Variants in RANBP17 observed in about 807,000 individuals in gnomAD.
RANBP17 encodes the protein RAN binding protein 17.
A neutral mutation model predicts 141.2 loss-of-function variants in RANBP17; 158 were observed. That is an observed-to-expected ratio of 1.12 (90% CI 0.98 to 1.28). RANBP17 has a LOEUF of 1.28. RANBP17 is among the 50% of genes most tolerant of loss of function. The pLI, the probability that RANBP17 is intolerant of heterozygous loss-of-function variation, is 0.00. For synonymous variants in RANBP17, 430 were observed against 450.0 expected (o/e 0.96, Z 0.56); for missense variants, 1,438 against 1,290.7 (o/e 1.11, Z -1.75).
At chr5:171,054,787 C>T (rs1561597695) in intron 14 of RANBP17, among the ~76,000 whole-genome samples, 1 of 152,148 alleles carries the variant, frequency 6.6e-6, no homozygotes, top group African/African-American at 2.4e-5. Context: ...TGTTTCCCCC[C>T]TCCCTTTTAC....
chr5:170,892,464 G>C lies in RANBP17; in HGVS notation c.334G>C (p.Ala112Pro), dbSNP rs781080945. The stretch of plus-strand genomic sequence containing the variant: ...CATCCAAGCTCTTATTCAAGTCATT[G>C]CTAAAATCACTAAGTTGGGGTGGTT... ...FVIQALIQVI[A>P]KITKLGWFEV... Residue 112 changes from alanine (A) to proline (P), a missense_variant, in exon 4 of 28, where the codon GCT (alanine) becomes CCT (proline). By Grantham distance (27) the Ala-to-Pro change is conservative. Coordinates refer to ENST00000523189, the MANE Select transcript of RANBP17 (RefSeq NM_022897.5). The C allele has an allele frequency of 6.2e-7, 1 of 1,614,014 alleles. No homozygotes were observed. The highest frequency in any genetic ancestry group is 8.5e-7 in the Non-Finnish European group (1 of 1,179,952).
chr5:170,988,890 C>T (rs1433344951), intron 14 of RANBP17, among the ~76,000 whole-genome samples: 1 of 151,704 alleles, frequency 6.6e-6, no homozygotes, highest in African/African-American at 2.4e-5. Context: ...TGGCAATGCA[C>T]CTATAGTCCT....
At chr5:171,117,850 G>GTT (rs1441112118) in intron 14 of RANBP17, among the ~76,000 whole-genome samples, 1 of 151,392 alleles carries the variant, frequency 6.6e-6, no homozygotes, top group East Asian at 1.9e-4. Flanking sequence ...TGTTGTTGTT[G>GTT]TTGTTGTTGT....
chr5:171,240,868 T>C (rs1357535246), intron 22 of RANBP17, 60 bp from the exon 23 acceptor site: 4 of 1,084,416 alleles, frequency 3.7e-6, no homozygotes, highest in African/African-American at 1.6e-5. Context: ...AAATAGTGTG[T>C]CCCATAACTA....
chr5:170,926,641 C>T (rs888035415), intron 12 of RANBP17, among the ~76,000 whole-genome samples: 3 of 151,958 alleles, frequency 2.0e-5, no homozygotes, highest in Non-Finnish European at 4.4e-5. Context: ...TCATATCAAA[C>T]TTGATTTTGA....
intron 22 of RANBP17, among the ~76,000 whole-genome samples, chr5:171,233,308 T>G (rs1166043623): frequency 2.0e-5 from 3 of 152,236 alleles, no homozygotes; most frequent in Non-Finnish European, 4.4e-5. Flanking sequence ...GCTGGTAGAA[T>G]GCAGAATGGC....
chr5:171,219,087 T>A (rs1763401169), intron 21 of RANBP17, among the ~76,000 whole-genome samples: 1 of 152,184 alleles, frequency 6.6e-6, no homozygotes, highest in South Asian at 2.1e-4. Flanking sequence ...GCAGACCTGG[T>A]GGTGACAAAA....
chr5:170,873,499 TA>T (rs1767925889), intron 1 of RANBP17, among the ~76,000 whole-genome samples: 1 of 152,198 alleles, frequency 6.6e-6, no homozygotes, highest in Non-Finnish European at 1.5e-5. Flanking sequence ...GTTGGTAGGC[TA>T]TTTTTTTACT....
chr5:170,923,181 A>G (rs757973208), intron 11 of RANBP17, among the ~76,000 whole-genome samples: 83 of 152,164 alleles, frequency 5.5e-4, no homozygotes, highest in Non-Finnish European at 1.8e-4. Flanking sequence ...TAATTTTTGT[A>G]TATTACCTGG....
chr5:171,120,137 C>T (rs1755923754), intron 14 of RANBP17, among the ~76,000 whole-genome samples: 1 of 151,468 alleles, frequency 6.6e-6, no homozygotes, highest in Admixed American at 6.6e-5. Flanking sequence ...GGCTCCTGTT[C>T]TTTTCCCTTA....
chr5:171,195,985 A>G lies in RANBP17; in HGVS notation c.2039-3685A>G, dbSNP rs562441398. ...AACAGCTGTTATTTAGTCAATCCACAAACATTTCTTGAGTGTCAGACCTTA... is the reference window on the plus strand; with the variant it reads ...AACAGCTGTTATTTAGTCAATCCACGAACATTTCTTGAGTGTCAGACCTTA... On this transcript the variant is annotated intron_variant, in intron 18 of 27. Transcript: ENST00000523189. Among the ~76,000 whole-genome samples, 307 of 152,342 alleles carry G rather than the reference A, an allele frequency of 2.0e-3. 1 individual carries two copies. Among genetic ancestry groups the G allele is most frequent in the Non-Finnish European group, 3.3e-3 (223 of 68,030 alleles).
chr5:171,211,001 C>CA (rs949233363), intron 20 of RANBP17, among the ~76,000 whole-genome samples: 3,508 of 75,260 alleles, frequency 0.047, 146 homozygotes, highest in African/African-American at 0.12. Flanking sequence ...AAGACCCCGT[C>CA]AAAAAAAAAA....
At chr5:171,176,951 T>A (rs1181903597) in intron 16 of RANBP17, among the ~76,000 whole-genome samples, 2 of 152,178 alleles carry the variant, frequency 1.3e-5, no homozygotes, top group East Asian at 3.9e-4. Context: ...GAAATTAAAA[T>A]TGTTTATGTC....
At chr5:171,244,241 A>G (rs1581105802) in intron 24 of RANBP17, among the ~76,000 whole-genome samples, 1 of 151,898 alleles carries the variant, frequency 6.6e-6, no homozygotes, top group Non-Finnish European at 1.5e-5. Context: ...AAAATACAAA[A>G]AATTAGCCAG....
intron 14 of RANBP17, among the ~76,000 whole-genome samples, chr5:171,123,420 C>A (rs1384809785): frequency 6.6e-6 from 1 of 152,246 alleles, no homozygotes; most frequent in Non-Finnish European, 1.5e-5. Context: ...TGCTGGCACA[C>A]ATGTATGTCA....
At chr5:170,944,662 T>C (rs1421997566) in intron 12 of RANBP17, among the ~76,000 whole-genome samples, 1 of 152,186 alleles carries the variant, frequency 6.6e-6, no homozygotes, top group African/African-American at 2.4e-5. Flanking sequence ...AGAAATATCT[T>C]CTTTTCATTT....
intron 18 of RANBP17, among the ~76,000 whole-genome samples, chr5:171,196,915 A>T (rs1762012004): frequency 6.6e-6 from 1 of 152,014 alleles, no homozygotes; most frequent in African/African-American, 2.4e-5. Flanking sequence ...CCAGCTTCCA[A>T]GTAGGTAGGA....
chr5:171,114,918 A>C (rs992930425), intron 14 of RANBP17, among the ~76,000 whole-genome samples: 7 of 151,918 alleles, frequency 4.6e-5, no homozygotes, highest in African/African-American at 1.7e-4. Flanking sequence ...GTTTGAAACC[A>C]GCCATGGCAA....
At chr5:171,271,553 A>G (rs1767117309) in intron 25 of RANBP17, 1 of 209,870 alleles carries the variant, frequency 4.8e-6, no homozygotes, top group Non-Finnish European at 9.7e-6. Flanking sequence ...AAGAATAGTC[A>G]GATTTTCTAA....
Sources: allele counts gnomAD v4.1 joint callset (sites outside exome capture counted in the v4.1 genomes callset), GRCh38; gene constraint gnomAD v4.1.1; transcripts MANE v1.5; gene names NCBI Gene and HGNC (gene_info 2026-07-23, HGNC 2026-07-21).